FAM135A: variants seen among roughly 807,000 people sequenced by gnomAD.
FAM135A encodes the protein family with sequence similarity 135 member A.
A neutral mutation model predicts 146.8 loss-of-function variants in FAM135A; 79 were observed. The ratio of observed to expected loss-of-function variants is 0.54; its 90% CI spans 0.45 to 0.65. FAM135A has a LOEUF of 0.65. Among genes scored for constraint, FAM135A ranks in the 30% least tolerant of loss-of-function variants. The pLI, the probability that FAM135A is intolerant of heterozygous loss-of-function variation, is 0.00. For missense variants in FAM135A, 1,623 were observed against 1,758.2 expected (o/e 0.92, Z 1.38); for synonymous variants, 562 against 603.6 (o/e 0.93, Z 1.01).
At chr6:70,416,704 T>G (rs1346151705) in intron 2 of FAM135A, among the ~76,000 whole-genome samples, 1 of 152,086 alleles carries the variant, frequency 6.6e-6, no homozygotes, top group African/African-American at 2.4e-5. Context: ...GGCAGGAGGA[T>G]CTCTTGAGGC....
At chr6:70,453,825 T>C (rs1393609584) in intron 5 of FAM135A, among the ~76,000 whole-genome samples, 1 of 152,222 alleles carries the variant, frequency 6.6e-6, no homozygotes, top group Non-Finnish European at 1.5e-5. Context: ...TGATGTTCAT[T>C]TGGGTTGGTT....
At position 70,475,427 on chromosome 6, in the gene FAM135A, C is replaced by A. The variant is rs1321698733; in HGVS notation, c.175C>A (p.Pro59Thr). ...TGTTTTAGGTATGACTTTAGCCTTT[C>A]CAGCCTCAGTTCATGATTCTCTAAT... ...LHATGMTLAFPASVHDSLICS... is the reference protein window; with the variant it reads ...LHATGMTLAFTASVHDSLICS... The change falls in exon 6 of 22, where the codon CCA becomes ACA. Residue 59 changes from proline (P) to threonine (T), a missense_variant. Pro to Thr is a conservative substitution (Grantham distance 38). Coordinates refer to ENST00000418814, the MANE Select transcript of FAM135A (RefSeq NM_001162529.3). 1 of 1,589,208 alleles carries A rather than the reference C, an allele frequency of 6.3e-7. No homozygotes were observed. Among genetic ancestry groups the A allele is most frequent in the Non-Finnish European group, 8.6e-7 (1 of 1,169,058 alleles).
chr6:70,496,874 T>G (rs904539013), intron 11 of FAM135A, among the ~76,000 whole-genome samples: 1 of 152,152 alleles, frequency 6.6e-6, no homozygotes, highest in African/African-American at 2.4e-5. Flanking sequence ...TGTATCTGTT[T>G]TGGTACCAGT....
intron 12 of FAM135A, among the ~76,000 whole-genome samples, chr6:70,519,514 G>A (rs565000881): frequency 1.3e-5 from 2 of 152,210 alleles, no homozygotes; most frequent in Non-Finnish European, 2.9e-5. Context: ...GAAATCTTTT[G>A]TGAAAGGAAG....
chr6:70,458,112 CAT>C (rs1778724485), intron 5 of FAM135A, among the ~76,000 whole-genome samples: 3 of 143,412 alleles, frequency 2.1e-5, no homozygotes, highest in Non-Finnish European at 1.5e-5. Flanking sequence ...GAAAATCTCA[CAT>C]ATGTGAAAAT....
intron 4 of FAM135A, among the ~76,000 whole-genome samples, chr6:70,441,083 A>T (rs183164663): frequency 3.5e-4 from 53 of 152,226 alleles, no homozygotes; most frequent in Admixed American, 1.3e-3. Flanking sequence ...GATTTTCAAC[A>T]TATTTGCTGA....
At chr6:70,494,204 G>A (rs1319678817) in intron 11 of FAM135A, among the ~76,000 whole-genome samples, 4 of 151,670 alleles carry the variant, frequency 2.6e-5, no homozygotes, top group African/African-American at 4.8e-5. Context: ...ACTTGAAGCC[G>A]GTACACTAAA....
chr6:70,557,694 C>CTAA (rs1801131690), intron 21 of FAM135A: 1 of 58,138 alleles, frequency 1.7e-5, no homozygotes, highest in Non-Finnish European at 3.1e-5. Context: ...AACTCTGTCT[C>CTAA]AAAAAAAAAA....
Position 70,536,249 on chromosome 6 carries a change from T to A in FAM135A, c.3966-11T>A. On this transcript the variant is annotated splice_polypyrimidine_tract_variant and intron_variant, in intron 18 of 21. Transcript: ENST00000418814. ...TGCTGTGAGAAAATTAATTTTTTTT[T>A]CCTCTTAAAGCTTTATTGGACATTC... is the stretch of plus-strand genomic sequence containing the variant. 6.3e-7 allele frequency: 1 copy of A among 1,589,992 alleles called. No homozygotes were observed. The highest frequency in any genetic ancestry group is 1.7e-4 in the Middle Eastern group (1 of 5,916).
At chr6:70,461,513 T>C (rs1294831997) in intron 5 of FAM135A, among the ~76,000 whole-genome samples, 2 of 152,218 alleles carry the variant, frequency 1.3e-5, no homozygotes, top group Non-Finnish European at 2.9e-5. Context: ...TTCTATTATA[T>C]AGCAAGTAAT....
rs1365520579 is a variant in FAM135A, at chr6:70,452,591, C to T, written c.157+20C>T. On this transcript the variant is annotated intron_variant, in intron 5 of 21. Coordinates refer to ENST00000418814, the MANE Select transcript of FAM135A (RefSeq NM_001162529.3). ...CAACAGGTAAGCCAAAGAATACATT[C>T]AAATTTAAAAAGTAATCTGAATGGT... The T allele has an allele frequency of 2.6e-6, 4 of 1,531,774 alleles. No homozygotes were observed. In the East Asian group the frequency reaches 9.7e-5, roughly 37 times the overall value. 94.9% of individuals were successfully genotyped at this position (1,531,774 alleles called of 1,614,324 possible). A position where few individuals can be genotyped will look rare whatever the true frequency, so the allele number is the denominator to read the frequency against.
chr6:70,517,895 C>G (rs1011838480), intron 12 of FAM135A, among the ~76,000 whole-genome samples: 5 of 152,196 alleles, frequency 3.3e-5, no homozygotes, highest in African/African-American at 1.2e-4. Context: ...CATCTCTCTT[C>G]CTCTACTTGG....
intron 4 of FAM135A, among the ~76,000 whole-genome samples, chr6:70,442,219 T>G (rs1469400439): frequency 6.6e-6 from 1 of 150,806 alleles, no homozygotes; most frequent in Non-Finnish European, 1.5e-5. Context: ...AGACCATAAA[T>G]ATTTAAAATT....
intron 4 of FAM135A, among the ~76,000 whole-genome samples, chr6:70,451,526 A>T (rs557436550): frequency 2.0e-5 from 3 of 152,104 alleles, no homozygotes; most frequent in Admixed American, 2.0e-4. Context: ...AACTTTATGG[A>T]GTTTTCTCAT....
intron 1 of FAM135A, among the ~76,000 whole-genome samples, chr6:70,414,885 A>G (rs1767210942): frequency 6.6e-6 from 1 of 152,230 alleles, no homozygotes; most frequent in South Asian, 2.1e-4. Context: ...TACACTTAAA[A>G]TTTGGAAATT....
chr6:70,517,190 C>A (rs531450080), intron 12 of FAM135A, among the ~76,000 whole-genome samples: 1 of 152,202 alleles, frequency 6.6e-6, no homozygotes, highest in African/African-American at 2.4e-5. Context: ...AATATTTTAT[C>A]ACCTTTATGT....
intron 12 of FAM135A, among the ~76,000 whole-genome samples, chr6:70,518,902 A>G (rs1344522493): frequency 6.6e-6 from 1 of 152,204 alleles, no homozygotes; most frequent in African/African-American, 2.4e-5. Flanking sequence ...TTCCATGTGG[A>G]CTAACACAAC....
At chr6:70,507,095 G>A (rs887999900) in intron 12 of FAM135A, among the ~76,000 whole-genome samples, 4 of 151,922 alleles carry the variant, frequency 2.6e-5, no homozygotes, top group Non-Finnish European at 1.5e-5. Context: ...TTTACCTAGC[G>A]CTTCCCTTTT....
intron 20 of FAM135A, among the ~76,000 whole-genome samples, chr6:70,546,012 GTC>G (rs752679933): frequency 2.6e-5 from 4 of 151,838 alleles, no homozygotes; most frequent in Non-Finnish European, 4.4e-5. Context: ...ATTGAAACAA[GTC>G]TCTCGAACTA....
Sources: allele counts gnomAD v4.1 joint callset (sites outside exome capture counted in the v4.1 genomes callset), GRCh38; gene constraint gnomAD v4.1.1; transcripts MANE v1.5; gene names NCBI Gene and HGNC (gene_info 2026-07-23, HGNC 2026-07-21).